Variants in ANO3 observed in about 807,000 individuals in gnomAD.
ANO3 encodes the protein anoctamin-3.
A neutral mutation model predicts 144.8 loss-of-function variants in ANO3; 99 were observed. That is an observed-to-expected ratio of 0.68 (90% CI 0.58 to 0.81). ANO3 has a LOEUF of 0.81. ANO3 is among the 30% of genes least tolerant of loss of function. The probability of loss-of-function intolerance (pLI) is 0.00; values close to 1 mark genes in which losing one functional copy is unlikely to be tolerated. For synonymous variants in ANO3, 414 were observed against 392.6 expected, an observed-to-expected ratio of 1.05 and a Z score of -0.64; for missense variants, 905 against 1,202.2, an observed-to-expected ratio of 0.75 and a Z score of 3.66.
At chr11:26,577,153 G>C (rs1023655371) in intron 14 of ANO3, among the ~76,000 whole-genome samples, 1 of 152,168 alleles carries the variant, frequency 6.6e-6, no homozygotes, top group African/African-American at 2.4e-5. Flanking sequence ...TAACATGTAA[G>C]AATGTAGAGG....
At chr11:26,404,937 G>A (rs879665281) in intron 1 of ANO3, among the ~76,000 whole-genome samples, 3,102 of 13,462 alleles carry the variant, frequency 0.23, 79 homozygotes, top group East Asian at 0.43. Flanking sequence ...ATATATATGT[G>A]TGTGTGTGTG....
chr11:26,333,582 C>G (rs1184460358), intron 1 of ANO3, among the ~76,000 whole-genome samples: 1 of 152,044 alleles, frequency 6.6e-6, no homozygotes, highest in Non-Finnish European at 1.5e-5. Flanking sequence ...GTACCCGGCC[C>G]TTGACTTTTT....
intron 3 of ANO3, among the ~76,000 whole-genome samples, chr11:26,448,332 GCTCA>G (rs1485747962): frequency 6.6e-6 from 1 of 151,690 alleles, no homozygotes; most frequent in African/African-American, 2.4e-5. Context: ...AATATTTAGG[GCTCA>G]CTAAGACCAG....
intron 14 of ANO3, 70 bp downstream of exon 14, chr11:26,559,849 C>CAT (rs1345175947): frequency 3.4e-5 from 29 of 858,202 alleles, no homozygotes; most frequent in South Asian, 4.2e-5. Flanking sequence ...CACACACACA[C>CAT]ACACACACAC....
chr11:26,196,547 A>T (rs563957037), intron 1 of ANO3, among the ~76,000 whole-genome samples: 13 of 152,300 alleles, frequency 8.5e-5, no homozygotes, highest in African/African-American at 2.9e-4. Context: ...TTTGGAAATC[A>T]TGGCTTCCAC....
intron 12 of ANO3, among the ~76,000 whole-genome samples, chr11:26,550,444 A>G (rs1849904353): frequency 6.6e-6 from 1 of 151,836 alleles, no homozygotes; most frequent in South Asian, 2.1e-4. Flanking sequence ...TCCCCTAGCC[A>G]ATGGCAACCA....
At chr11:26,492,593 A>G (rs901263963) in intron 4 of ANO3, among the ~76,000 whole-genome samples, 2 of 152,208 alleles carry the variant, frequency 1.3e-5, no homozygotes, top group African/African-American at 2.4e-5. Flanking sequence ...CACTCAAAAT[A>G]TCATCATTTG....
intron 1 of ANO3, among the ~76,000 whole-genome samples, chr11:26,236,600 C>T (rs533048642): frequency 6.6e-6 from 1 of 152,048 alleles, no homozygotes; most frequent in Non-Finnish European, 1.5e-5. Flanking sequence ...GGGCGGATCA[C>T]GAGGTCAGGA....
intron 1 of ANO3, among the ~76,000 whole-genome samples, chr11:26,295,332 C>T (rs890160852): frequency 4.5e-4 from 69 of 151,676 alleles, no homozygotes; most frequent in African/African-American, 1.6e-3. Context: ...TCCTGGCTAA[C>T]ACGGTAAAAC....
intron 20 of ANO3, 30 bp from the exon 21 acceptor site, chr11:26,639,114 T>C (rs1180201020): frequency 2.6e-5 from 38 of 1,478,272 alleles, no homozygotes; most frequent in Non-Finnish European, 3.6e-5. Flanking sequence ...AGAAGACCAA[T>C]ATCATTATTG....
At chr11:26,438,611 A>AAAAAAAAAAAAAAAAAAAAAAAG (rs1858389741) in intron 1 of ANO3, among the ~76,000 whole-genome samples, 3 of 35,510 alleles carry the variant, frequency 8.4e-5, no homozygotes, top group Non-Finnish European at 1.2e-4. Context: ...AAAAAAAAGA[A>AAAAAAAAAAAAAAAAAAAAAAAG]AAAAAAAAAA....
intron 20 of ANO3, among the ~76,000 whole-genome samples, chr11:26,637,246 C>A (rs1403304845): frequency 6.6e-6 from 1 of 152,184 alleles, no homozygotes; most frequent in Non-Finnish European, 1.5e-5. Flanking sequence ...GTCTTCCAGC[C>A]ACCCCACTTT....
rs1851733166 is a variant in ANO3 at position 26,599,540 on chromosome 11, A to G, written c.1672-10A>G. 1 of 1,607,078 alleles carries G rather than the reference A, an allele frequency of 6.2e-7. No individual in the cohort carries two copies. Among genetic ancestry groups the G allele is most frequent in the Non-Finnish European group, 8.5e-7 (1 of 1,175,688 alleles). On this transcript the variant is annotated splice_polypyrimidine_tract_variant and intron_variant, in intron 16 of 26. Coordinates refer to ENST00000256737, the MANE Select transcript of ANO3 (RefSeq NM_031418.4). ...AATATGGATGTTTTTTCTGGTGTCC[A>G]ATATTGTAGATATCCTTGGTGATCA...
chr11:26,257,763 T>C (rs940998568), intron 1 of ANO3, among the ~76,000 whole-genome samples: 1 of 145,594 alleles, frequency 6.9e-6, no homozygotes, highest in Non-Finnish European at 1.5e-5. Context: ...AAAAATTCTG[T>C]CCCATGGAAA....
chr11:26,448,791 G>T (rs970752288), intron 3 of ANO3, among the ~76,000 whole-genome samples: 1 of 152,066 alleles, frequency 6.6e-6, no homozygotes, highest in African/African-American at 2.4e-5. Context: ...AACACATAAG[G>T]TCCTCTTGCC....
At chr11:26,560,792 T>C (rs1384833805) in intron 14 of ANO3, 7 of 307,964 alleles carry the variant, frequency 2.3e-5, no homozygotes, top group Admixed American at 5.3e-5. Context: ...TTTAGTTTTA[T>C]CTGATTCCAC....
Position 26,553,247 on chromosome 11 carries a change from AGCCAAG to A in ANO3, c.1290-1_1294del. The A allele has an allele frequency of 6.5e-7, 1 of 1,544,532 alleles. No homozygotes were observed. Among genetic ancestry groups the A allele is most frequent in the Non-Finnish European group, 8.8e-7 (1 of 1,130,754 alleles). ...TTGTTTTTGTTTTTGTTTTTTCTCA[AGCCAAG>A]AAATTTGTAAAGCCACTGAAGTCTT... On this transcript the variant is annotated splice_acceptor_variant and coding_sequence_variant, in exon 13 of 27. Transcript: ENST00000256737. LOFTEE classifies it high-confidence loss of function.
At chr11:26,650,114 G>A (rs1302434768) in intron 24 of ANO3, among the ~76,000 whole-genome samples, 2 of 152,090 alleles carry the variant, frequency 1.3e-5, no homozygotes, top group Non-Finnish European at 2.9e-5. Context: ...AAGATGTGGA[G>A]GGCTTATGTT....
chr11:26,527,444 G>A (rs1226147074), intron 7 of ANO3, among the ~76,000 whole-genome samples: 1 of 151,688 alleles, frequency 6.6e-6, no homozygotes, highest in East Asian at 1.9e-4. Flanking sequence ...ATGTCTTTGT[G>A]GATTCATGTG....
Sources: gnomAD v4.1 joint callset for allele counts (sites outside exome capture counted in the v4.1 genomes callset) on GRCh38, gnomAD v4.1.1 for gene constraint, MANE v1.5 for transcripts, NCBI Gene and HGNC (gene_info 2026-07-23, HGNC 2026-07-21) for gene names.